FAP: variants seen among roughly 807,000 people sequenced by gnomAD.
FAP encodes the protein prolyl endopeptidase FAP.
FAP carries 110 observed loss-of-function variants against 126.5 expected under a neutral mutation model. The ratio of observed to expected loss-of-function variants is 0.87; its 90% CI spans 0.74 to 1.02. The LOEUF (loss-of-function observed/expected upper bound fraction) is 1.02. Ranked by LOEUF, FAP falls within the 50% of genes least tolerant of loss-of-function variation. The pLI, the probability that FAP is intolerant of heterozygous loss-of-function variation, is 0.00. For missense variants in FAP, 919 were observed against 909.2 expected, an observed-to-expected ratio of 1.01 and a Z score of -0.14; for synonymous variants, 334 against 297.3, an observed-to-expected ratio of 1.12 and a Z score of -1.27.
intron 22 of FAP, 119 bp downstream of exon 22, chr2:162,174,748 A>G (rs1049497192): frequency 1.7e-5 from 10 of 605,268 alleles, no homozygotes; most frequent in South Asian, 1.6e-4. Flanking sequence ...TATAAATTAT[A>G]TTTTCCCCAG....
chr2:162,204,011 T>C (rs1688601302), intron 12 of FAP, among the ~76,000 whole-genome samples: 1 of 152,212 alleles, frequency 6.6e-6, no homozygotes, highest in African/African-American at 2.4e-5. Flanking sequence ...TGATGGCAAA[T>C]CATTAAAAGA....
Position 162,172,810 on chromosome 2 carries a change from C to A in FAP, c.2181+1G>T, listed in dbSNP as rs1452379570. The A allele has an allele frequency of 1.2e-6, 2 of 1,609,400 alleles. No homozygotes were observed. The highest frequency in any genetic ancestry group is 2.7e-5 in the African/African-American group (2 of 74,776). On this transcript the variant is annotated splice_donor_variant, in intron 25 of 25. Transcript: ENST00000188790. LOFTEE classifies it high-confidence loss of function. The stretch of plus-strand genomic sequence containing the variant: ...AACATGAGTAAAACAAAATTATGTA[C>A]CATTGCCTGGAAATCCACTTGTGCA...
Position 162,189,645 on chromosome 2 carries a change from A to C in FAP, c.1549+11T>G. The C allele has an allele frequency of 2.1e-6, 3 of 1,445,110 alleles. No homozygotes were observed. The highest frequency in any genetic ancestry group is 2.9e-6 in the Non-Finnish European group (3 of 1,043,394). The allele number at this position is 1,445,110 out of a possible 1,614,324, so 89.5% of individuals were successfully genotyped here. ...CATATCTATAAATGAGAAGTTTTTA[A>C]AAGATCTTACTAATTTCATCTACTT... On this transcript the variant is annotated intron_variant, in intron 18 of 25. Coordinates refer to ENST00000188790, the MANE Select transcript of FAP (RefSeq NM_004460.5).
intron 17 of FAP, among the ~76,000 whole-genome samples, chr2:162,190,423 C>A (rs904033168): frequency 2.6e-4 from 40 of 152,014 alleles, no homozygotes; most frequent in African/African-American, 9.6e-4. Context: ...CAAACACACA[C>A]TATGCTCTTT....
chr2:162,240,843 C>T (rs1333281003), intron 2 of FAP, among the ~76,000 whole-genome samples: 3 of 152,154 alleles, frequency 2.0e-5, no homozygotes, highest in Non-Finnish European at 4.4e-5. Flanking sequence ...CATCTCAGAT[C>T]CTATTCTCAT....
intron 23 of FAP, 135 bp downstream of exon 23, chr2:162,173,583 AGTGAT>A: frequency 1.5e-6 from 1 of 659,036 alleles, no homozygotes; most frequent in Non-Finnish European, 2.7e-6. Context: ...AACCCTTTCT[AGTGAT>A]GTGTTTTGCA....
Position 162,202,859 on chromosome 2 carries a change from G to C in FAP, c.1223+13C>G. ...AAACCTGAATGGTGCATCGTGCTTC[G>C]TGCAATACTTACAGTGAATCCTGTG... On this transcript the variant is annotated intron_variant, in intron 14 of 25. Transcript: ENST00000188790. 6.2e-7 allele frequency: 1 copy of C among 1,606,072 alleles called. No homozygotes were observed. The highest frequency in any genetic ancestry group is 8.5e-7 in the Non-Finnish European group (1 of 1,172,858).
At chr2:162,188,061 TAGAAAA>T in intron 20 of FAP, 102 bp downstream of exon 20, 1 of 928,786 alleles carries the variant, frequency 1.1e-6, no homozygotes, top group Non-Finnish European at 1.6e-6. Context: ...TAGACCAAGT[TAGAAAA>T]AGAAAAACAA....
chr2:162,202,841 A>G (rs111368718), intron 14 of FAP, 31 bp downstream of exon 14: 1 of 1,560,168 alleles, frequency 6.4e-7, no homozygotes. Flanking sequence ...TTAAAACCTG[A>G]ATGGTGCATC....
Position 162,170,901 on chromosome 2 carries a change from A to G in FAP, c.*78T>C. 1 of 1,087,180 alleles carries G rather than the reference A, an allele frequency of 9.2e-7. No individual in the cohort carries two copies. The highest frequency in any genetic ancestry group is 1.4e-6 in the Non-Finnish European group (1 of 725,310). 67.3% of individuals were successfully genotyped at this position (1,087,180 alleles called of 1,614,324 possible). A position where few individuals can be genotyped will look rare whatever the true frequency, so the allele number is the denominator to read the frequency against. Reference sequence around the variant, plus strand: ...TTTATACTAGCATTTTACAACATAAAAAATAAAATAAGCAAACTGTCTGAG... The same window carrying G: ...TTTATACTAGCATTTTACAACATAAGAAATAAAATAAGCAAACTGTCTGAG... On this transcript the variant is annotated 3_prime_UTR_variant, in exon 26 of 26. Coordinates refer to ENST00000188790, the MANE Select transcript of FAP (RefSeq NM_004460.5).
chr2:162,239,500 G>GT (rs774677854), intron 2 of FAP, among the ~76,000 whole-genome samples: 1 of 150,054 alleles, frequency 6.7e-6, no homozygotes, highest in African/African-American at 2.4e-5. Flanking sequence ...GTTGTTTTTG[G>GT]TTAAAAAAAA....
chr2:162,209,960 C>A lies in FAP; in HGVS notation c.1039G>T (p.Ala347Ser). The change falls in exon 12 of 26, where the codon GCT (alanine) becomes TCT (serine). Residue 347 changes from alanine (A) to serine (S), a missense_variant. Coordinates refer to ENST00000188790, the MANE Select transcript of FAP (RefSeq NM_004460.5). ...AGATAGCAAAATCATACTCCACCAG[C>A]CCATCCAGTTCTGCTTTCTTCTATA... is the stretch of plus-strand genomic sequence containing the variant. ...EHIEESRTGWAGGFFVSTPVF... is the reference protein window; with the variant it reads ...EHIEESRTGWSGGFFVSTPVF... 6.2e-7 allele frequency: 1 copy of A among 1,612,838 alleles called. No individual in the cohort carries two copies. The highest frequency in any genetic ancestry group is 1.1e-5 in the South Asian group (1 of 91,048).
chr2:162,186,106 AG>A (rs1014130359), intron 20 of FAP, among the ~76,000 whole-genome samples: 23 of 152,260 alleles, frequency 1.5e-4, no homozygotes, highest in African/African-American at 5.3e-4. Flanking sequence ...TTCAGAGTGT[AG>A]GTGGCTTATT....
At chr2:162,234,693 G>A (rs1022588689) in intron 2 of FAP, among the ~76,000 whole-genome samples, 2 of 152,218 alleles carry the variant, frequency 1.3e-5, no homozygotes, top group Non-Finnish European at 2.9e-5. Flanking sequence ...GTGACAGCAT[G>A]CTGGCAGCCC....
At chr2:162,174,762 T>C (rs746086122) in intron 22 of FAP, 105 bp downstream of exon 22, 4 of 680,358 alleles carry the variant, frequency 5.9e-6, no homozygotes, top group Middle Eastern at 2.6e-4. Context: ...TCCCCAGTGA[T>C]GCTGGGGTGA....
At chr2:162,215,846 A>G in intron 10 of FAP, 52 bp downstream of exon 10, 2 of 1,301,466 alleles carry the variant, frequency 1.5e-6, no homozygotes, top group East Asian at 2.3e-5. Flanking sequence ...TGCACAGCAT[A>G]AATGCACTAG....
At chr2:162,220,892 G>C (rs1220396115) in intron 6 of FAP, among the ~76,000 whole-genome samples, 1 of 152,074 alleles carries the variant, frequency 6.6e-6, no homozygotes, top group Non-Finnish European at 1.5e-5. Flanking sequence ...AAGACCTGCC[G>C]CCCAAGCACA....
intron 2 of FAP, among the ~76,000 whole-genome samples, chr2:162,232,073 G>T (rs1292175929): frequency 1.3e-5 from 2 of 152,126 alleles, no homozygotes. Flanking sequence ...CACCACAGGG[G>T]CAAGGACAGG....
rs539002942 is a variant in FAP, at chr2:162,216,021, A to C, written c.763-20T>G. On this transcript the variant is annotated intron_variant, in intron 9 of 25. Transcript: ENST00000188790. ...TCCAGCCTGCCAAGAAAATTGAGATATATAAGCTCATAAAATTCCAATTAT... is the reference window on the plus strand; with the variant it reads ...TCCAGCCTGCCAAGAAAATTGAGATCTATAAGCTCATAAAATTCCAATTAT... The C allele has an allele frequency of 6.5e-7, 1 of 1,546,474 alleles. No individual in the cohort carries two copies. Among genetic ancestry groups the C allele is most frequent in the East Asian group, 2.2e-5 (1 of 44,598 alleles).
Sources: allele counts gnomAD v4.1 joint callset (sites outside exome capture counted in the v4.1 genomes callset), GRCh38; gene constraint gnomAD v4.1.1; transcripts MANE v1.5; gene names NCBI Gene and HGNC (gene_info 2026-07-23, HGNC 2026-07-21).